Variants in DGKB observed in about 807,000 individuals in gnomAD.
DGKB encodes the protein diacylglycerol kinase beta.
DGKB carries 67 observed loss-of-function variants against 114.3 expected under a neutral mutation model. That is an observed-to-expected ratio of 0.59 (90% CI 0.48 to 0.72). The LOEUF is 0.72. Among genes scored for constraint, DGKB ranks in the 30% least tolerant of loss-of-function variants. The pLI, the probability that DGKB is intolerant of heterozygous loss-of-function variation, is 0.00. For synonymous variants in DGKB, 398 were observed against 323.1 expected, an observed-to-expected ratio of 1.23 and a Z score of -2.49; for missense variants, 907 against 975.2, an observed-to-expected ratio of 0.93 and a Z score of 0.93.
At position 14,597,335 on chromosome 7, in the gene DGKB, A is replaced by G. The variant is rs368820824; in HGVS notation, c.1433+10099T>C. Among the ~76,000 whole-genome samples the G allele has an allele frequency of 3.7e-4, 56 of 151,846 alleles. No individual in the cohort carries two copies. The East Asian group carries it at 8.9e-3, about 24-fold the overall frequency. On this transcript the variant is annotated intron_variant, in intron 17 of 25. Transcript: ENST00000402815. ...AAATAATGTAATTGGAGAATAAAAC[A>G]TTATGAATTCAACAAACATCTGCCA...
intron 23 of DGKB, among the ~76,000 whole-genome samples, chr7:14,216,255 G>T (rs1402574062): frequency 6.6e-6 from 1 of 152,160 alleles, no homozygotes; most frequent in East Asian, 1.9e-4. Context: ...AATGTGGTTA[G>T]AGAAGAAATA....
intron 18 of DGKB, 69 bp from the exon 19 acceptor site, chr7:14,581,020 T>C: frequency 9.2e-7 from 1 of 1,092,372 alleles, no homozygotes; most frequent in Non-Finnish European, 1.3e-6. Flanking sequence ...AATAAAAAGA[T>C]AGCCTGATGA....
intron 21 of DGKB, among the ~76,000 whole-genome samples, chr7:14,387,341 A>T (rs1293541622): frequency 2.1e-5 from 3 of 141,356 alleles, no homozygotes; most frequent in African/African-American, 7.9e-5. Flanking sequence ...TGAATCAGGG[A>T]GTCGGAGGCT....
chr7:14,311,192 C>G (rs2215035), intron 23 of DGKB, among the ~76,000 whole-genome samples: 132,721 of 152,158 alleles, frequency 0.87, 58,218 homozygotes, highest in African/African-American at 0.97. Flanking sequence ...TGATTCCATA[C>G]TCCTAATAGA....
chr7:14,320,250 A>T (rs1285847624), intron 23 of DGKB, among the ~76,000 whole-genome samples: 3 of 152,048 alleles, frequency 2.0e-5, no homozygotes, highest in Admixed American at 2.0e-4. Flanking sequence ...TGTTCTATCT[A>T]CTTCTATCTT....
chr7:14,471,110 G>GA (rs1382489326), intron 21 of DGKB, among the ~76,000 whole-genome samples: 2 of 148,438 alleles, frequency 1.3e-5, no homozygotes, highest in Non-Finnish European at 3.0e-5. Context: ...TAGCAAAATA[G>GA]AAAAAAAATA....
intron 6 of DGKB, among the ~76,000 whole-genome samples, chr7:14,712,748 A>G (rs1273559178): frequency 1.3e-5 from 2 of 152,016 alleles, no homozygotes; most frequent in African/African-American, 4.8e-5. Context: ...TGGAAAATAA[A>G]AGTTGTTTGG....
Position 14,575,418 on chromosome 7 carries a change from T to C in DGKB, c.1610-1046A>G, listed in dbSNP as rs527548294. On this transcript the variant is annotated intron_variant, in intron 19 of 25. Transcript: ENST00000402815. ...TAAAAGTCTTGTCAATATTACATTC[T>C]CAATATTCAATTTATTTGTAGGTAG... 2.0e-5 allele frequency among the ~76,000 whole-genome samples: 3 copies of C among 152,344 alleles called. No homozygotes were observed. In the South Asian group the frequency reaches 6.2e-4, roughly 32 times the overall value.
At chr7:14,171,351 G>A (rs139772006) in intron 25 of DGKB, among the ~76,000 whole-genome samples, 71 of 152,276 alleles carry the variant, frequency 4.7e-4, no homozygotes, top group African/African-American at 1.7e-3. Flanking sequence ...ATGGAAGGAA[G>A]TTTCAGGAGT....
chr7:14,742,796 G>T (rs1465075036), intron 4 of DGKB, among the ~76,000 whole-genome samples: 1 of 152,162 alleles, frequency 6.6e-6, no homozygotes, highest in African/African-American at 2.4e-5. Context: ...AGATTGACAT[G>T]CAAGGTGTGT....
chr7:14,423,936 T>A (rs966827731), intron 21 of DGKB, among the ~76,000 whole-genome samples: 5 of 152,104 alleles, frequency 3.3e-5, no homozygotes, highest in Non-Finnish European at 5.9e-5. Context: ...GTCATTTAAA[T>A]CAACCAGTAA....
At chr7:14,321,152 A>T (rs1413506784) in intron 23 of DGKB, among the ~76,000 whole-genome samples, 1 of 152,030 alleles carries the variant, frequency 6.6e-6, no homozygotes, top group Admixed American at 6.6e-5. Flanking sequence ...TTAGCCAGAC[A>T]TGATGGCACA....
intron 23 of DGKB, among the ~76,000 whole-genome samples, chr7:14,204,654 G>C (rs1312012600): frequency 6.6e-6 from 1 of 151,996 alleles, no homozygotes; most frequent in African/African-American, 2.4e-5. Flanking sequence ...CAAGTGCCTA[G>C]TCAACTGGCT....
chr7:14,202,827 T>C (rs1257482381), intron 23 of DGKB, among the ~76,000 whole-genome samples: 1 of 151,972 alleles, frequency 6.6e-6, no homozygotes, highest in Non-Finnish European at 1.5e-5. Context: ...AATTTTGAAT[T>C]CTATTAAATG....
At chr7:14,260,291 T>TATCA (rs1205240516) in intron 23 of DGKB, among the ~76,000 whole-genome samples, 3 of 152,228 alleles carry the variant, frequency 2.0e-5, no homozygotes, top group African/African-American at 7.2e-5. Context: ...TCATAAAGTA[T>TATCA]ATCATTAGGA....
chr7:14,797,233 A>G (rs983916511), intron 2 of DGKB, among the ~76,000 whole-genome samples: 2 of 152,144 alleles, frequency 1.3e-5, no homozygotes, highest in African/African-American at 4.8e-5. Context: ...ATCATTTCCC[A>G]TATTTGAGCC....
chr7:14,598,916 T>C (rs1426305069), intron 17 of DGKB, among the ~76,000 whole-genome samples: 7 of 152,162 alleles, frequency 4.6e-5, no homozygotes, highest in Admixed American at 4.6e-4. Context: ...TGTGACCCTT[T>C]GCAACTCTCA....
chr7:14,178,138 C>G lies in DGKB; in HGVS notation c.2136G>C (p.Gln712His). 1 of 1,613,480 alleles carries G rather than the reference C, an allele frequency of 6.2e-7. No homozygotes were observed. The highest frequency in any genetic ancestry group is 8.5e-7 in the Non-Finnish European group (1 of 1,179,732). Residue 712 changes from glutamine (Q) to histidine (H), a missense_variant, in exon 24 of 26, where the codon CAG becomes CAC. Coordinates refer to ENST00000402815, the MANE Select transcript of DGKB (RefSeq NM_001350709.2). ...CTTCCAAGCCGACCACCTCCAGCAG[C>G]TGGTCACTGAGATCTGAAAGAAAGT... is the stretch of plus-strand genomic sequence containing the variant. ...LKFASQDLSD[Q>H]LLEVVGLEGA...
chr7:14,236,156 T>C (rs1792741548), intron 23 of DGKB, among the ~76,000 whole-genome samples: 1 of 152,014 alleles, frequency 6.6e-6, no homozygotes, highest in Non-Finnish European at 1.5e-5. Flanking sequence ...CTTTTCAAAT[T>C]ACAGATAGTA....
Sources: gnomAD v4.1 joint callset for allele counts (sites outside exome capture counted in the v4.1 genomes callset) on GRCh38, gnomAD v4.1.1 for gene constraint, MANE v1.5 for transcripts, NCBI Gene and HGNC (gene_info 2026-07-23, HGNC 2026-07-21) for gene names.